WWC2: variants seen among roughly 807,000 people sequenced by gnomAD.
WWC2 encodes the protein WW and C2 domain containing 2.
A neutral mutation model predicts 138.5 loss-of-function variants in WWC2; 101 were observed. The observed-to-expected ratio is 0.73, with a 90% CI of 0.62 to 0.86. The LOEUF is 0.86. Among genes scored for constraint, WWC2 ranks in the 40% least tolerant of loss-of-function variants. The pLI is 0.00. For missense variants in WWC2, 1,420 were observed against 1,419.4 expected, an observed-to-expected ratio of 1.00 and a Z score of -0.01; for synonymous variants, 558 against 538.4, an observed-to-expected ratio of 1.04 and a Z score of -0.50.
intron 2 of WWC2, among the ~76,000 whole-genome samples, chr4:183,198,288 A>G (rs951623071): frequency 2.6e-5 from 4 of 152,238 alleles, no homozygotes; most frequent in South Asian, 4.1e-4. Context: ...ATCTATGTTC[A>G]TACAACCCAG....
intron 2 of WWC2, among the ~76,000 whole-genome samples, chr4:183,200,411 A>G (rs1183721136): frequency 1.3e-5 from 2 of 152,136 alleles, no homozygotes; most frequent in Admixed American, 1.3e-4. Context: ...TACATTTTTA[A>G]TTTTTATTAT....
At chr4:183,109,639 G>C (rs1442288906) in intron 1 of WWC2, among the ~76,000 whole-genome samples, 2 of 152,220 alleles carry the variant, frequency 1.3e-5, no homozygotes, top group African/African-American at 2.4e-5. Flanking sequence ...TCTGACAGGA[G>C]GCGGAGCTCA....
chr4:183,212,162 C>T (rs908865769), intron 4 of WWC2, among the ~76,000 whole-genome samples: 1 of 152,056 alleles, frequency 6.6e-6, no homozygotes, highest in Non-Finnish European at 1.5e-5. Context: ...CCTTAGTCCT[C>T]GAATGTCCTC....
At chr4:183,284,477 T>C (rs962032359) in intron 19 of WWC2, 87 bp downstream of exon 19, 1 of 1,462,244 alleles carries the variant, frequency 6.8e-7, no homozygotes, top group African/African-American at 1.4e-5. Context: ...CAAGAGACTG[T>C]GCACTGGGAG....
chr4:183,263,238 A>G (rs890027233), intron 11 of WWC2, among the ~76,000 whole-genome samples: 4 of 152,168 alleles, frequency 2.6e-5, no homozygotes, highest in Non-Finnish European at 5.9e-5. Flanking sequence ...TCTAGTGACC[A>G]CTTCTAACAT....
intron 14 of WWC2, among the ~76,000 whole-genome samples, chr4:183,267,049 G>A (rs537694194): frequency 6.7e-6 from 1 of 150,076 alleles, no homozygotes; most frequent in South Asian, 2.1e-4. Flanking sequence ...TTTTTTTTAA[G>A]AGATGGGGTC....
chr4:183,284,237 G>T lies in WWC2; in HGVS notation c.2895G>T (p.Glu965Asp), dbSNP rs980326455. 11 of 1,613,676 alleles carry T rather than the reference G, an allele frequency of 6.8e-6. No individual in the cohort carries two copies. Among genetic ancestry groups the T allele is most frequent in the African/African-American group, 5.3e-5 (4 of 74,912 alleles). Residue 965 changes from glutamate (E) to aspartate (D), a missense_variant, in exon 19 of 23, where the codon GAG (glutamate) becomes GAT (aspartate). By Grantham distance (45) the Glu-to-Asp change is conservative. Transcript: ENST00000403733. ...AACTTCTCTTATAGGTTGACAAAGA[G>T]ACAAACACTGATGAAGCCGCTAATG... ...PTRIPTLVDK[E>D]TNTDEAANDN...
intron 1 of WWC2, among the ~76,000 whole-genome samples, chr4:183,134,648 T>C (rs1202300942): frequency 5.9e-5 from 9 of 152,186 alleles, no homozygotes; most frequent in Non-Finnish European, 1.3e-4. Context: ...CCATGAATTC[T>C]AGTTTGTGAA....
intron 9 of WWC2, among the ~76,000 whole-genome samples, chr4:183,256,784 T>A (rs1044434880): frequency 6.6e-6 from 1 of 151,992 alleles, no homozygotes; most frequent in Non-Finnish European, 1.5e-5. Flanking sequence ...TCCCATTATT[T>A]CAGGGGTGAC....
chr4:183,105,672 C>T (rs1743327965), intron 1 of WWC2, among the ~76,000 whole-genome samples: 1 of 152,134 alleles, frequency 6.6e-6, no homozygotes, highest in African/African-American at 2.4e-5. Context: ...GGGTGGATCA[C>T]GAGGTCAGGA....
chr4:183,114,966 C>T (rs1253444192), intron 1 of WWC2, among the ~76,000 whole-genome samples: 2 of 152,090 alleles, frequency 1.3e-5, no homozygotes, highest in Non-Finnish European at 2.9e-5. Flanking sequence ...GGAATAGAGG[C>T]GTGCACCACC....
In WWC2 at chr4:183,263,881, A is replaced by G. The variant is rs530729922; in HGVS notation, c.1910-1097A>G. ...TTTGTCATCTCCCTCAGTGCTCTAG[A>G]GGCTTAGGCAGGTAAAGTCAAGTCC... On this transcript the variant is annotated intron_variant, in intron 11 of 22. Transcript: ENST00000403733. Among the ~76,000 whole-genome samples, 9 of 152,274 alleles carry G rather than the reference A, an allele frequency of 5.9e-5. No individual in the cohort carries two copies. The East Asian group carries it at 7.7e-4, about 13-fold the overall frequency.
At chr4:183,202,539 C>T (rs886835047) in intron 2 of WWC2, among the ~76,000 whole-genome samples, 1 of 152,198 alleles carries the variant, frequency 6.6e-6, no homozygotes, top group African/African-American at 2.4e-5. Context: ...CTGCCCCTGA[C>T]ATCTTGTATA....
chr4:183,311,856 AGT>A (rs1275213394), intron 21 of WWC2, among the ~76,000 whole-genome samples: 1 of 151,896 alleles, frequency 6.6e-6, no homozygotes, highest in African/African-American at 2.4e-5. Context: ...GGATTACAGG[AGT>A]GAGCCACCGC....
chr4:183,145,868 T>C (rs1004633680), intron 1 of WWC2, among the ~76,000 whole-genome samples: 1 of 152,228 alleles, frequency 6.6e-6, no homozygotes, highest in Non-Finnish European at 1.5e-5. Flanking sequence ...GTGTAGTTTA[T>C]GGGGCATGCC....
intron 6 of WWC2, among the ~76,000 whole-genome samples, chr4:183,248,041 C>T (rs961645357): frequency 2.0e-5 from 3 of 151,972 alleles, no homozygotes; most frequent in Admixed American, 6.6e-5. Flanking sequence ...TTCATATCCT[C>T]CCTCTAAAGT....
chr4:183,245,245 A>AG, intron 5 of WWC2, among the ~76,000 whole-genome samples, 171 bp from the exon 6 acceptor site: 2 of 150,524 alleles, frequency 1.3e-5, no homozygotes, highest in African/African-American at 4.9e-5. Context: ...AAAAAAAAAA[A>AG]AAAAGAGAGA....
At chr4:183,284,739 T>C (rs1381728675) in intron 19 of WWC2, among the ~76,000 whole-genome samples, 4 of 152,206 alleles carry the variant, frequency 2.6e-5, no homozygotes, top group African/African-American at 9.6e-5. Flanking sequence ...ATTTCTGTTC[T>C]ATATCATATG....
intron 1 of WWC2, among the ~76,000 whole-genome samples, chr4:183,165,327 T>A (rs1025471942): frequency 3.9e-5 from 6 of 152,174 alleles, no homozygotes; most frequent in Admixed American, 1.3e-4. Context: ...TCTTTCCTCC[T>A]AAATTCCACC....
Sources: gnomAD v4.1 joint callset for allele counts (sites outside exome capture counted in the v4.1 genomes callset) on GRCh38, gnomAD v4.1.1 for gene constraint, MANE v1.5 for transcripts, NCBI Gene and HGNC (gene_info 2026-07-23, HGNC 2026-07-21) for gene names.